Variants in SLX9 observed in about 807,000 individuals in gnomAD.
SLX9 encodes SLX9 ribosome biogenesis factor, also known as ribosome biogenesis protein SLX9 homolog.
Under a neutral mutation model 20.8 loss-of-function variants are expected in SLX9, and 19 were observed. The ratio of observed to expected loss-of-function variants is 0.91; its 90% CI spans 0.64 to 1.34. The LOEUF (loss-of-function observed/expected upper bound fraction) is 1.34, where lower values mean the gene tolerates loss of function less well. Among genes scored for constraint, SLX9 ranks in the 40% most tolerant of loss-of-function variants. The pLI is 0.00. For synonymous variants in SLX9, 113 were observed against 137.1 expected, an observed-to-expected ratio of 0.82 and a Z score of 1.23; for missense variants, 299 against 322.2, an observed-to-expected ratio of 0.93 and a Z score of 0.55.
intron 3 of SLX9, among the ~76,000 whole-genome samples, chr21:44,960,666 G>A (rs926659418): frequency 4.6e-5 from 7 of 152,230 alleles, no homozygotes; most frequent in Non-Finnish European, 7.3e-5. Context: ...CGTGGGTGTG[G>A]GCAGGGCCCC....
chr21:44,974,851 G>T (rs1478104076), intron 5 of SLX9, among the ~76,000 whole-genome samples: 1 of 152,190 alleles, frequency 6.6e-6, no homozygotes, highest in Non-Finnish European at 1.5e-5. Context: ...CTCCCTCTCC[G>T]CCTCTCCCCA....
chr21:44,976,948 C>T lies in SLX9; in HGVS notation c.*145C>T, dbSNP rs1204759930. ...GCTCAATAAATGGCTCTGTGAACTT[C>T]CCCTGCACTGCCAGGGCCGTTCCCA... On this transcript the variant is annotated 3_prime_UTR_variant, in exon 6 of 6. Transcript: ENST00000291634. 13 of 1,159,202 alleles carry T rather than the reference C, an allele frequency of 1.1e-5. No individual in the cohort carries two copies. The highest frequency in any genetic ancestry group is 5.2e-5 in the East Asian group (2 of 38,522). The allele number at this position is 1,159,202 out of a possible 1,614,324, so 71.8% of individuals were successfully genotyped here. A position where few individuals can be genotyped will look rare whatever the true frequency, so the allele number is the denominator to read the frequency against.
intron 2 of SLX9, among the ~76,000 whole-genome samples, chr21:44,952,599 T>C (rs2084779077): frequency 6.6e-6 from 1 of 152,114 alleles, no homozygotes; most frequent in Admixed American, 6.5e-5. Flanking sequence ...GAGTGGACAG[T>C]TGGGGTTATG....
In SLX9 at chr21:44,944,203, T is replaced by G. The variant is rs143890292; in HGVS notation, c.283+366T>G. The stretch of plus-strand genomic sequence containing the variant: ...TTTGATCCTTTTCTTAAACAAGTGC[T>G]TTATGTGTTGCAGAGGTTAGCTGCT... On this transcript the variant is annotated intron_variant, in intron 2 of 5. Coordinates refer to ENST00000291634, the MANE Select transcript of SLX9 (RefSeq NM_058190.4). 2.2e-3 allele frequency among the ~76,000 whole-genome samples: 334 copies of G among 152,362 alleles called. 1 individual carries two copies. Among genetic ancestry groups the G allele is most frequent in the African/African-American group, 7.5e-3 (310 of 41,582 alleles).
rs776726808 is a variant in SLX9, at chr21:44,960,082, C to T, written c.284-18C>T. The stretch of plus-strand genomic sequence containing the variant: ...CACCTGGACACGTTTTGCTCACTCC[C>T]GTGTTCTCTTTCCTCAGGTGCAGAG... On this transcript the variant is annotated intron_variant, in intron 2 of 5. Coordinates refer to ENST00000291634, the MANE Select transcript of SLX9 (RefSeq NM_058190.4). The T allele has an allele frequency of 7.4e-6, 12 of 1,613,730 alleles. No individual in the cohort carries two copies. Among genetic ancestry groups the T allele is most frequent in the Admixed American group, 6.7e-5 (4 of 60,008 alleles).
chr21:44,955,436 C>A (rs528350669), intron 2 of SLX9, among the ~76,000 whole-genome samples: 2 of 152,214 alleles, frequency 1.3e-5, no homozygotes, highest in African/African-American at 4.8e-5. Context: ...TGCAAAGTGG[C>A]ACATGATAGA....
At chr21:44,948,175 C>T (rs1329654352) in intron 2 of SLX9, among the ~76,000 whole-genome samples, 6 of 150,700 alleles carry the variant, frequency 4.0e-5, no homozygotes, top group Non-Finnish European at 7.4e-5. Context: ...ATCGGGCGAT[C>T]GGGCATCCGG....
At chr21:44,956,755 C>T (rs1427264494) in intron 2 of SLX9, among the ~76,000 whole-genome samples, 4 of 152,262 alleles carry the variant, frequency 2.6e-5, no homozygotes, top group African/African-American at 7.2e-5. Context: ...TGTCACCCCA[C>T]GGCCCAACTC....
rs1384059105 is a variant in SLX9, at chr21:44,976,719, T to G, written c.609T>G (p.Ser203Arg). 5 of 1,574,676 alleles carry G rather than the reference T, an allele frequency of 3.2e-6. No homozygotes were observed. The South Asian group carries it at 4.6e-5, about 15-fold the overall frequency. ...ERTRFQELLASPAYRASPLVA... is the reference protein window; with the variant it reads ...ERTRFQELLARPAYRASPLVA... ...CCCGGTTTCAGGAGCTGCTGGCCAG[T>G]CCGGCCTACAGAGCCAGCCCCCTGG... Residue 203 changes from serine (S) to arginine (R), a missense_variant, in exon 6 of 6, where the codon AGT becomes AGG. By Grantham distance (110) the Ser-to-Arg change is moderately radical (BLOSUM62 -1). Transcript: ENST00000291634.
chr21:44,950,948 T>C (rs1015149477), intron 2 of SLX9, among the ~76,000 whole-genome samples: 1 of 152,138 alleles, frequency 6.6e-6, no homozygotes, highest in Non-Finnish European at 1.5e-5. Flanking sequence ...GCTGCACCTG[T>C]GCCTGAGGAT....
chr21:44,954,395 C>T (rs987014067), intron 2 of SLX9, among the ~76,000 whole-genome samples: 10 of 152,002 alleles, frequency 6.6e-5, no homozygotes, highest in African/African-American at 1.7e-4. Context: ...CACCTTCTCT[C>T]GGGAGGAATG....
intron 2 of SLX9, among the ~76,000 whole-genome samples, chr21:44,954,482 C>T (rs968904605): frequency 3.3e-5 from 5 of 152,140 alleles, no homozygotes; most frequent in South Asian, 2.1e-4. Flanking sequence ...GAGCTCCGGC[C>T]GTCGGCAGGT....
intron 2 of SLX9, among the ~76,000 whole-genome samples, chr21:44,954,968 C>T (rs1437517606): frequency 1.3e-5 from 2 of 152,160 alleles, no homozygotes; most frequent in Non-Finnish European, 2.9e-5. Context: ...AGTCCCAGCA[C>T]TTTGGGAGGC....
At chr21:44,965,154 A>G (rs777051490) in intron 3 of SLX9, among the ~76,000 whole-genome samples, 1 of 152,260 alleles carries the variant, frequency 6.6e-6, no homozygotes, top group African/African-American at 2.4e-5. Flanking sequence ...AATTAGCTGC[A>G]CAGGTTTGAC....
intron 2 of SLX9, among the ~76,000 whole-genome samples, chr21:44,951,670 G>A (rs1196090245): frequency 6.6e-6 from 1 of 152,158 alleles, no homozygotes; most frequent in Non-Finnish European, 1.5e-5. Context: ...TGCCCCCGGA[G>A]CCGCCCGAGC....
intron 5 of SLX9, among the ~76,000 whole-genome samples, chr21:44,974,476 C>A (rs1220784017): frequency 6.6e-6 from 1 of 152,200 alleles, no homozygotes; most frequent in Non-Finnish European, 1.5e-5. Context: ...ATCTCATGTT[C>A]TCTAATCCAT....
At position 44,969,230 on chromosome 21, in the gene SLX9, G is replaced by A. The variant is rs11910177; in HGVS notation, c.500+2049G>A. 1,607 of 469,410 alleles carry A rather than the reference G, an allele frequency of 3.4e-3. 16 individuals carry two copies. Among genetic ancestry groups the A allele is most frequent in the African/African-American group, 0.024 (1,191 of 50,142 alleles). The allele number at this position is 469,410 out of a possible 1,614,324, so 29.1% of individuals were successfully genotyped here. ...AGGCAGCTCCAGGCTGGCATCCCGCGGCGGAGGCACCAGAGCACTGGGTCC... is the reference window on the plus strand; with the variant it reads ...AGGCAGCTCCAGGCTGGCATCCCGCAGCGGAGGCACCAGAGCACTGGGTCC... On this transcript the variant is annotated intron_variant, in intron 4 of 5. Transcript: ENST00000291634.
At chr21:44,942,200 T>G (rs764861453) in intron 1 of SLX9, among the ~76,000 whole-genome samples, 17 of 152,210 alleles carry the variant, frequency 1.1e-4, no homozygotes, top group Non-Finnish European at 2.2e-4. Context: ...CATACATTCA[T>G]GATCTGGAAG....
At chr21:44,953,753 C>T (rs545722064) in intron 2 of SLX9, among the ~76,000 whole-genome samples, 5 of 152,248 alleles carry the variant, frequency 3.3e-5, no homozygotes, top group East Asian at 3.9e-4. Flanking sequence ...GTGACCTTGG[C>T]GCTCTGCATT....
Sources: allele counts gnomAD v4.1 joint callset (sites outside exome capture counted in the v4.1 genomes callset), GRCh38; gene constraint gnomAD v4.1.1; transcripts MANE v1.5; gene names NCBI Gene and HGNC (gene_info 2026-07-23, HGNC 2026-07-21).